The following ATP10B variants were observed in gnomAD, a reference collection of about 807,000 sequenced individuals.
The protein encoded by ATP10B is phospholipid-transporting ATPase VB.
A neutral mutation model predicts 141.2 loss-of-function variants in ATP10B; 122 were observed. The ratio of observed to expected loss-of-function variants is 0.86; its 90% CI spans 0.75 to 1.00. The LOEUF (loss-of-function observed/expected upper bound fraction) is 1.00. Among genes scored for constraint, ATP10B ranks in the 50% least tolerant of loss-of-function variants. The pLI is 0.00. For synonymous variants in ATP10B, 685 were observed against 692.0 expected, an observed-to-expected ratio of 0.99 and a Z score of 0.16; for missense variants, 1,876 against 1,825.3, an observed-to-expected ratio of 1.03 and a Z score of -0.51.
intron 25 of ATP10B, among the ~76,000 whole-genome samples, chr5:160,567,666 T>C (rs1354500036): frequency 1.3e-5 from 2 of 152,112 alleles, no homozygotes; most frequent in African/African-American, 2.4e-5. Flanking sequence ...CTAGGCATGA[T>C]GGCTGAAGCT....
At chr5:160,781,525 T>A (rs975865927) in intron 2 of ATP10B, among the ~76,000 whole-genome samples, 3 of 152,032 alleles carry the variant, frequency 2.0e-5, no homozygotes, top group Non-Finnish European at 4.4e-5. Context: ...CTGGGAAGGA[T>A]GACAAGAATT....
chr5:160,616,716 C>T lies in ATP10B; in HGVS notation c.2527-752G>A, dbSNP rs572764557. On this transcript the variant is annotated intron_variant, in intron 16 of 25. Coordinates refer to ENST00000327245, the MANE Select transcript of ATP10B (RefSeq NM_025153.3). Reference sequence around the variant, plus strand: ...TATTTTGTTCAAGCATCAAATATTCCCTGAGTCCCTCTGCATGGCACTATA... The same window carrying T: ...TATTTTGTTCAAGCATCAAATATTCTCTGAGTCCCTCTGCATGGCACTATA... 9.2e-5 allele frequency among the ~76,000 whole-genome samples: 14 copies of T among 152,306 alleles called. No individual in the cohort carries two copies. In the East Asian group the frequency reaches 2.1e-3, roughly 23 times the overall value.
chr5:160,815,687 C>A (rs1364976062), intron 1 of ATP10B, among the ~76,000 whole-genome samples: 1 of 152,178 alleles, frequency 6.6e-6, no homozygotes, highest in Non-Finnish European at 1.5e-5. Flanking sequence ...ACAGAACTCT[C>A]CACCCCAAAT....
chr5:160,679,017 A>T (rs1455757546), intron 6 of ATP10B, among the ~76,000 whole-genome samples: 5 of 152,230 alleles, frequency 3.3e-5, no homozygotes, highest in Non-Finnish European at 5.9e-5. Context: ...TATGCCAGAG[A>T]GATATTATGA....
At chr5:160,829,241 G>A (rs944356089) in intron 1 of ATP10B, among the ~76,000 whole-genome samples, 1 of 151,828 alleles carries the variant, frequency 6.6e-6, no homozygotes, top group Non-Finnish European at 1.5e-5. Context: ...GTTTTTGTCA[G>A]CCTTATCAAA....
chr5:160,839,401 A>G (rs1775682451), intron 1 of ATP10B, among the ~76,000 whole-genome samples: 1 of 152,190 alleles, frequency 6.6e-6, no homozygotes, highest in South Asian at 2.1e-4. Context: ...GGGCCATGGC[A>G]AAGATATTGG....
intron 25 of ATP10B, among the ~76,000 whole-genome samples, chr5:160,566,302 C>CT (rs1203727088): frequency 6.6e-6 from 1 of 152,166 alleles, no homozygotes; most frequent in Admixed American, 6.5e-5. Context: ...AGACTTGTCT[C>CT]TTTTTTGCCA....
chr5:160,810,054 C>A (rs1159981226), intron 1 of ATP10B, among the ~76,000 whole-genome samples: 1 of 152,176 alleles, frequency 6.6e-6, no homozygotes, highest in Non-Finnish European at 1.5e-5. Flanking sequence ...TTAACCTCTA[C>A]AGTATCTAAT....
At position 160,573,427 on chromosome 5, in the gene ATP10B, G is replaced by A. The variant is rs568535748; in HGVS notation, c.3751-3744C>T. On this transcript the variant is annotated intron_variant, in intron 24 of 25. Coordinates refer to ENST00000327245, the MANE Select transcript of ATP10B (RefSeq NM_025153.3). ...CGCAGACAATTCTGCAGCTTTTTTC[G>A]CTTGCTTTTATACTTTAAAGAAGAG... Among the ~76,000 whole-genome samples, 18 of 152,220 alleles carry A rather than the reference G, an allele frequency of 1.2e-4. No individual in the cohort carries two copies. In the East Asian group the frequency reaches 2.3e-3, roughly 20 times the overall value.
the ATP10B span, among the ~76,000 whole-genome samples, chr5:160,864,128 T>TA: frequency 6.6e-6 from 1 of 151,608 alleles, no homozygotes; most frequent in Admixed American, 6.6e-5. Flanking sequence ...AGAAAGGACA[T>TA]AAAAAATAGG....
chr5:160,767,055 A>G (rs138676716), intron 2 of ATP10B, among the ~76,000 whole-genome samples: 1 of 152,288 alleles, frequency 6.6e-6, no homozygotes, highest in Non-Finnish European at 1.5e-5. Flanking sequence ...ACAATGGAAA[A>G]AAAAAAGGAA....
At chr5:160,650,476 C>T (rs935652396) in intron 7 of ATP10B, among the ~76,000 whole-genome samples, 4 of 152,130 alleles carry the variant, frequency 2.6e-5, no homozygotes, top group African/African-American at 9.7e-5. Context: ...TATCAGGACC[C>T]TTTTCAGGAT....
chr5:160,870,752 A>G, the ATP10B span, among the ~76,000 whole-genome samples: 1 of 151,910 alleles, frequency 6.6e-6, no homozygotes, highest in South Asian at 2.1e-4. Flanking sequence ...AAAAAAACAC[A>G]AAAAACAAAA....
intron 2 of ATP10B, among the ~76,000 whole-genome samples, chr5:160,785,080 G>C (rs762766841): frequency 5.3e-5 from 8 of 152,106 alleles, no homozygotes; most frequent in Non-Finnish European, 1.0e-4. Flanking sequence ...GTGAGAGGAA[G>C]TTTGCTGGAG....
In ATP10B at chr5:160,603,946, T is replaced by G; in HGVS notation, c.3237+19A>C. ...CAACTAAGGACCAAAGAAAGAAGAA[T>G]AGTTGCAGAGAACAATACCTGCATG... On this transcript the variant is annotated intron_variant, in intron 20 of 25. Transcript: ENST00000327245. The G allele has an allele frequency of 6.2e-7, 1 of 1,600,056 alleles. No homozygotes were observed. Among genetic ancestry groups the G allele is most frequent in the South Asian group, 1.1e-5 (1 of 90,738 alleles).
Position 160,816,952 on chromosome 5 carries a change from G to A in ATP10B, c.-575-31149C>T, listed in dbSNP as rs549367335. 4.0e-5 allele frequency among the ~76,000 whole-genome samples: 6 copies of A among 151,610 alleles called. No homozygotes were observed. In the East Asian group the frequency reaches 5.8e-4, roughly 15 times the overall value. ...AAAAGGCCTTTGACAAAATTCAACAGCACTTCATGCTAAAAACTCTCAATA... is the reference window on the plus strand; with the variant it reads ...AAAAGGCCTTTGACAAAATTCAACAACACTTCATGCTAAAAACTCTCAATA... On this transcript the variant is annotated intron_variant, in intron 1 of 25. Transcript: ENST00000327245.
chr5:160,604,103 G>T, intron 19 of ATP10B, 62 bp from the exon 20 acceptor site: 10 of 1,209,722 alleles, frequency 8.3e-6, no homozygotes, highest in Non-Finnish European at 2.5e-6. Flanking sequence ...CAATGAGGTA[G>T]CTCTAAAGTG....
At chr5:160,610,997 A>G (rs1452630321) in intron 18 of ATP10B, among the ~76,000 whole-genome samples, 1 of 152,214 alleles carries the variant, frequency 6.6e-6, no homozygotes, top group Non-Finnish European at 1.5e-5. Flanking sequence ...GGAAATATCC[A>G]CGGAATATGT....
At chr5:160,849,243 G>A (rs1054123635) in intron 1 of ATP10B, among the ~76,000 whole-genome samples, 5 of 152,122 alleles carry the variant, frequency 3.3e-5, no homozygotes, top group Non-Finnish European at 7.4e-5. Context: ...AAGCAGATGA[G>A]GCAAAGAAAC....
Sources: allele counts gnomAD v4.1 joint callset (sites outside exome capture counted in the v4.1 genomes callset), GRCh38; gene constraint gnomAD v4.1.1; transcripts MANE v1.5; gene names NCBI Gene and HGNC (gene_info 2026-07-23, HGNC 2026-07-21).